The following PPP2R5C variants were observed in gnomAD, a reference collection of about 807,000 sequenced individuals.
PPP2R5C encodes protein phosphatase 2 regulatory subunit B'gamma, also known as serine/threonine-protein phosphatase 2A 56 kDa regulatory subunit gamma isoform.
PPP2R5C carries 7 observed loss-of-function variants against 68.9 expected under a neutral mutation model. The observed-to-expected ratio is 0.10, with a 90% CI of 0.06 to 0.19. The LOEUF (loss-of-function observed/expected upper bound fraction) is 0.19. PPP2R5C is among the 10% of genes least tolerant of loss of function. The pLI is 1.00. For synonymous variants in PPP2R5C, 210 were observed against 222.2 expected (o/e 0.95, Z 0.49); for missense variants, 348 against 641.3 (o/e 0.54, Z 4.94).
intron 2 of PPP2R5C, among the ~76,000 whole-genome samples, chr14:101,783,717 G>T (rs186428264): frequency 7.9e-5 from 12 of 152,230 alleles, no homozygotes; most frequent in African/African-American, 2.7e-4. Context: ...TCCAGCGGGG[G>T]TCAGAAGCCA....
At chr14:101,848,834 A>G (rs114776408) in intron 1 of PPP2R5C, among the ~76,000 whole-genome samples, 2,179 of 152,304 alleles carry the variant, frequency 0.014, 24 homozygotes, top group Middle Eastern at 0.048. Flanking sequence ...ATATGCATGT[A>G]TCTTTAGCCT....
intron 2 of PPP2R5C, among the ~76,000 whole-genome samples, chr14:101,779,639 A>C (rs2037579258): frequency 6.6e-6 from 1 of 152,106 alleles, no homozygotes; most frequent in Admixed American, 6.5e-5. Context: ...TCCTGGAAAA[A>C]TAAGTGTGGG....
At chr14:101,884,503 A>G (rs2044361451) in intron 5 of PPP2R5C, among the ~76,000 whole-genome samples, 1 of 152,198 alleles carries the variant, frequency 6.6e-6, no homozygotes, top group African/African-American at 2.4e-5. Context: ...AAGTGATGTC[A>G]TTCATCTGTA....
chr14:101,851,571 T>G (rs1423088367), intron 1 of PPP2R5C, among the ~76,000 whole-genome samples: 1 of 152,188 alleles, frequency 6.6e-6, no homozygotes, highest in African/African-American at 2.4e-5. Context: ...TTCCCACCCT[T>G]GTGAGCCTGC....
intron 13 of PPP2R5C, among the ~76,000 whole-genome samples, chr14:101,921,695 A>G (rs1277826811): frequency 1.3e-5 from 2 of 152,160 alleles, no homozygotes; most frequent in African/African-American, 4.8e-5. Flanking sequence ...TATTTTTCCA[A>G]AATAATTTCA....
chr14:101,910,603 C>T (rs532554870), intron 11 of PPP2R5C, among the ~76,000 whole-genome samples: 11 of 152,198 alleles, frequency 7.2e-5, no homozygotes, highest in South Asian at 4.1e-4. Flanking sequence ...GAGGCCAAGG[C>T]GGGTGGATCA....
rs1371958796 is a variant in PPP2R5C at position 101,891,409 on chromosome 14, C to A, written c.689+1113C>A. Among the ~76,000 whole-genome samples, 1 of 152,194 alleles carries A rather than the reference C, an allele frequency of 6.6e-6. No individual in the cohort carries two copies. Among genetic ancestry groups the A allele is most frequent in the South Asian group, 2.1e-4 (1 of 4,826 alleles). ...TCGCTGACAATTCTTTTAGTTTAGACAAACTTGGGCGGGGTTTCTCCCTCA... is the reference window on the plus strand; with the variant it reads ...TCGCTGACAATTCTTTTAGTTTAGAAAAACTTGGGCGGGGTTTCTCCCTCA... On this transcript the variant is annotated intron_variant, in intron 6 of 13. Transcript: ENST00000334743. The surrounding 1 kb of genome is among the most constrained non-coding windows in gnomAD (Gnocchi z 4.9).
At chr14:101,803,648 C>T (rs916264609) in intron 3 of PPP2R5C, among the ~76,000 whole-genome samples, 12 of 151,604 alleles carry the variant, frequency 7.9e-5, no homozygotes, top group African/African-American at 2.9e-4. Context: ...CACTTGAACC[C>T]GGGAGGTGGA....
intron 13 of PPP2R5C, among the ~76,000 whole-genome samples, chr14:101,919,840 G>A (rs958230438): frequency 2.0e-5 from 3 of 152,014 alleles, no homozygotes; most frequent in Non-Finnish European, 4.4e-5. Context: ...TTGGTGGCAG[G>A]TTCCTGTAAT....
chr14:101,896,713 G>A (rs182985718), intron 8 of PPP2R5C, among the ~76,000 whole-genome samples: 1 of 150,920 alleles, frequency 6.6e-6, no homozygotes, highest in African/African-American at 2.4e-5. Context: ...TTTTACATTG[G>A]AGTTTTTTTT....
chr14:101,788,465 T>A (rs1346627568), intron 3 of PPP2R5C, among the ~76,000 whole-genome samples: 2 of 152,216 alleles, frequency 1.3e-5, no homozygotes, highest in Non-Finnish European at 2.9e-5. Flanking sequence ...CATACTTCCT[T>A]TACCTCTTCT....
intron 2 of PPP2R5C, 127 bp downstream of exon 2, chr14:101,763,097 G>A: frequency 1.3e-6 from 1 of 743,372 alleles, no homozygotes; most frequent in Non-Finnish European, 2.2e-6. Context: ...TTTTTGTGGT[G>A]TCTTTTATAA....
rs186049070 is a variant in PPP2R5C at position 101,904,718 on chromosome 14, C to T, written c.1024-1684C>T. On this transcript the variant is annotated intron_variant, in intron 9 of 13. Transcript: ENST00000334743. ...ACACACCGCACCACAACCTCAGGAT[C>T]TCTAAGCTGTAGGCTTCTGGCAGGA... Among the ~76,000 whole-genome samples, 477 of 152,344 alleles carry T rather than the reference C, an allele frequency of 3.1e-3. 3 individuals are homozygous for T. The highest frequency in any genetic ancestry group is 3.4e-3 in the Non-Finnish European group (229 of 68,036).
At chr14:101,795,746 C>T (rs183966951) in intron 3 of PPP2R5C, among the ~76,000 whole-genome samples, 2 of 152,330 alleles carry the variant, frequency 1.3e-5, no homozygotes, top group East Asian at 3.9e-4. Context: ...TTAAAATTGG[C>T]TTTTGAATAC....
intron 2 of PPP2R5C, among the ~76,000 whole-genome samples, chr14:101,857,339 T>A (rs718941): frequency 0.14 from 21,810 of 152,166 alleles, 1,741 homozygotes; most frequent in Admixed American, 0.19. Context: ...GTCAGAATAG[T>A]TCATGCTGAT....
intron 2 of PPP2R5C, among the ~76,000 whole-genome samples, chr14:101,764,206 C>G (rs892464437): frequency 6.6e-6 from 1 of 152,220 alleles, no homozygotes; most frequent in Non-Finnish European, 1.5e-5. Flanking sequence ...TTTCCTTTGC[C>G]TTTTCTTCCT....
At chr14:101,911,573 A>G (rs1018701191) in intron 11 of PPP2R5C, among the ~76,000 whole-genome samples, 4 of 151,924 alleles carry the variant, frequency 2.6e-5, no homozygotes, top group Admixed American at 1.3e-4. Flanking sequence ...TGTGTAGTAC[A>G]TTTTCTGGGT....
intron 1 of PPP2R5C, among the ~76,000 whole-genome samples, chr14:101,810,646 T>C (rs1054930838): frequency 1.3e-5 from 2 of 152,230 alleles, no homozygotes; most frequent in Non-Finnish European, 2.9e-5. Flanking sequence ...CGTGGAATAT[T>C]AGGAAATATT....
intron 13 of PPP2R5C, among the ~76,000 whole-genome samples, chr14:101,919,787 G>A (rs1429304950): frequency 1.3e-5 from 2 of 151,988 alleles, no homozygotes; most frequent in Admixed American, 6.6e-5. Context: ...GGCCAACATG[G>A]GGAAACCCCA....
Sources: allele counts gnomAD v4.1 joint callset (sites outside exome capture counted in the v4.1 genomes callset), GRCh38; gene constraint gnomAD v4.1.1; non-coding constraint Gnocchi (gnomAD v3.1); transcripts MANE v1.5; gene names NCBI Gene and HGNC (gene_info 2026-07-23, HGNC 2026-07-21).